Variants in LHFPL2 observed in about 807,000 individuals in gnomAD.
LHFPL2 encodes the protein LHFPL tetraspan subfamily member 2 protein.
Under a neutral mutation model 17.5 loss-of-function variants are expected in LHFPL2, and 7 were observed. The observed-to-expected ratio is 0.40, with a 90% CI of 0.23 to 0.75. The LOEUF is 0.75. LHFPL2 is among the 30% of genes least tolerant of loss of function. LHFPL2 has a pLI of 0.37. For missense variants in LHFPL2, 241 were observed against 294.8 expected (o/e 0.82, Z 1.34); for synonymous variants, 134 against 116.2 (o/e 1.15, Z -0.99).
intron 3 of LHFPL2, among the ~76,000 whole-genome samples, chr5:78,559,369 G>A (rs558382463): frequency 3.9e-5 from 6 of 152,260 alleles, no homozygotes; most frequent in South Asian, 4.1e-4. Flanking sequence ...ACTGGGCATC[G>A]AGGATATACT....
Position 78,521,435 on chromosome 5 carries a change from A to G in LHFPL2, c.-185-11037T>C, listed in dbSNP as rs150402874. ...TTTTAAAATCTAATACTCCAACCCAATAGTCTGGTGATTAAGCTACTGAGA... is the reference window on the plus strand; with the variant it reads ...TTTTAAAATCTAATACTCCAACCCAGTAGTCTGGTGATTAAGCTACTGAGA... On this transcript the variant is annotated intron_variant, in intron 3 of 4. Coordinates refer to ENST00000380345, the MANE Select transcript of LHFPL2 (RefSeq NM_005779.3). 4.4e-3 allele frequency among the ~76,000 whole-genome samples: 677 copies of G among 152,334 alleles called. 5 individuals carry two copies. The highest frequency in any genetic ancestry group is 0.024 in the Middle Eastern group (7 of 294).
intron 2 of LHFPL2, among the ~76,000 whole-genome samples, chr5:78,576,752 C>CTT (rs1335199353): frequency 1.5e-4 from 23 of 151,672 alleles, no homozygotes; most frequent in Admixed American, 1.5e-3. Flanking sequence ...TTCTGACAAT[C>CTT]TTTTTTTGTT....
In LHFPL2 at chr5:78,542,608, C is replaced by A. The variant is rs1310273280; in HGVS notation, c.-186+22205G>T. On this transcript the variant is annotated intron_variant, in intron 3 of 4. Transcript: ENST00000380345. Reference sequence around the variant, plus strand: ...TTCCACCCTCATCTCCACATGCACACCTCTCGCCTGCCCTTCAAGAGACAG... The same window carrying A: ...TTCCACCCTCATCTCCACATGCACAACTCTCGCCTGCCCTTCAAGAGACAG... 2.6e-5 allele frequency among the ~76,000 whole-genome samples: 4 copies of A among 152,212 alleles called. No homozygotes were observed. The East Asian group carries it at 7.7e-4, about 29-fold the overall frequency.
chr5:78,547,438 G>A (rs1027720898), intron 3 of LHFPL2, among the ~76,000 whole-genome samples: 4 of 152,198 alleles, frequency 2.6e-5, no homozygotes, highest in South Asian at 2.1e-4. Flanking sequence ...CACACATGAC[G>A]TCTGATATCA....
At chr5:78,589,173 A>C (rs907455924) in intron 2 of LHFPL2, among the ~76,000 whole-genome samples, 1 of 152,068 alleles carries the variant, frequency 6.6e-6, no homozygotes, top group African/African-American at 2.4e-5. Flanking sequence ...GGCATTTCTA[A>C]AAAAAATTAG....
At chr5:78,570,279 A>C (rs1756962220) in intron 2 of LHFPL2, among the ~76,000 whole-genome samples, 1 of 152,198 alleles carries the variant, frequency 6.6e-6, no homozygotes, top group African/African-American at 2.4e-5. Context: ...AGAAGAAAGA[A>C]ATACTGGGTT....
At chr5:78,512,767 C>CTTTTTT (rs34696428) in intron 3 of LHFPL2, among the ~76,000 whole-genome samples, 1 of 137,838 alleles carries the variant, frequency 7.3e-6, no homozygotes, top group Admixed American at 7.3e-5. Context: ...TTTTTCTTTT[C>CTTTTTT]TTTTTTTTTT....
At chr5:78,568,956 C>T (rs1756927466) in intron 2 of LHFPL2, among the ~76,000 whole-genome samples, 1 of 152,146 alleles carries the variant, frequency 6.6e-6, no homozygotes, top group Admixed American at 6.5e-5. Context: ...AGAATTTGAG[C>T]CACTTAAGCT....
At position 78,609,450 on chromosome 5, in the gene LHFPL2, C is replaced by CAAAAAA. The variant is rs71613975; in HGVS notation, c.-245+22808_-245+22813dup. ...TGGGAAACAGAGCGAGACTCAGTCT[C>CAAAAAA]AAAAAAAAAAAAAAAAAAAAAAAAA... On this transcript the variant is annotated intron_variant, in intron 2 of 4. Transcript: ENST00000380345. 3.7e-4 allele frequency among the ~76,000 whole-genome samples: 15 copies of CAAAAAA among 40,676 alleles called. 1 individual carries two copies. Among genetic ancestry groups the CAAAAAA allele is most frequent in the African/African-American group, 1.0e-3 (12 of 11,682 alleles). 26.7% of individuals were successfully genotyped at this position (40,676 alleles called of 152,430 possible). A position where few individuals can be genotyped will look rare whatever the true frequency, so the allele number is the denominator to read the frequency against.
At chr5:78,561,370 A>G (rs1174925841) in intron 3 of LHFPL2, among the ~76,000 whole-genome samples, 1 of 152,240 alleles carries the variant, frequency 6.6e-6, no homozygotes, top group African/African-American at 2.4e-5. Context: ...AGACTACCGT[A>G]TCGGATGGTG....
intron 3 of LHFPL2, among the ~76,000 whole-genome samples, chr5:78,519,423 G>C (rs1358393381): frequency 6.6e-6 from 1 of 152,104 alleles, no homozygotes; most frequent in African/African-American, 2.4e-5. Flanking sequence ...TCTGCCTCTG[G>C]GGCGGGATCT....
chr5:78,627,695 T>G (rs1333022958), intron 2 of LHFPL2, among the ~76,000 whole-genome samples: 1 of 152,174 alleles, frequency 6.6e-6, no homozygotes, highest in Non-Finnish European at 1.5e-5. Context: ...GCAGGGCATT[T>G]ATGAAGCCCT....
rs1754228642 is a variant in LHFPL2, at chr5:78,486,054, A to T, written c.*2843T>A. ...CATACATACACCTTTGTTATTGCAC[A>T]TCTTTCACACAAACTTGTGTATGTA... On this transcript the variant is annotated 3_prime_UTR_variant, in exon 5 of 5. Transcript: ENST00000380345. 6.6e-6 allele frequency: 1 copy of T among 152,652 alleles called. No individual in the cohort carries two copies. Among genetic ancestry groups the T allele is most frequent in the Non-Finnish European group, 1.5e-5 (1 of 68,034 alleles). 9.5% of individuals were successfully genotyped at this position (152,652 alleles called of 1,614,324 possible).
intron 3 of LHFPL2, among the ~76,000 whole-genome samples, chr5:78,545,887 C>T (rs1756256504): frequency 6.6e-6 from 1 of 152,054 alleles, no homozygotes; most frequent in Admixed American, 6.5e-5. Flanking sequence ...AAGGGCAGAC[C>T]CTCAAAAAGA....
At chr5:78,633,924 GC>G (rs1405698283) in intron 1 of LHFPL2, among the ~76,000 whole-genome samples, 1 of 151,992 alleles carries the variant, frequency 6.6e-6, no homozygotes, top group Non-Finnish European at 1.5e-5. Context: ...CAGTGAGGTC[GC>G]CCTGGAAGGC....
chr5:78,639,937 T>C (rs903167114), intron 1 of LHFPL2, among the ~76,000 whole-genome samples: 4 of 152,232 alleles, frequency 2.6e-5, no homozygotes, highest in Admixed American at 6.5e-5. Flanking sequence ...CTTAAACAAC[T>C]GGCTAAATGC....
At chr5:78,593,881 C>T (rs974698626) in intron 2 of LHFPL2, among the ~76,000 whole-genome samples, 1 of 152,190 alleles carries the variant, frequency 6.6e-6, no homozygotes, top group African/African-American at 2.4e-5. Context: ...ACCCAGGGAA[C>T]CCTGCTTGAT....
intron 2 of LHFPL2, among the ~76,000 whole-genome samples, chr5:78,604,899 A>G (rs1744157895): frequency 6.6e-6 from 1 of 152,222 alleles, no homozygotes; most frequent in Non-Finnish European, 1.5e-5. Flanking sequence ...CCACAGCACT[A>G]AAGCACTAGG....
intron 2 of LHFPL2, among the ~76,000 whole-genome samples, chr5:78,631,935 C>CAAAAAA (rs35424661): frequency 9.6e-6 from 1 of 104,580 alleles, no homozygotes; most frequent in African/African-American, 3.4e-5. Flanking sequence ...GACTCCATCT[C>CAAAAAA]AAAAAAAAAA....
Sources: allele counts gnomAD v4.1 joint callset (sites outside exome capture counted in the v4.1 genomes callset), GRCh38; gene constraint gnomAD v4.1.1; transcripts MANE v1.5; gene names NCBI Gene and HGNC (gene_info 2026-07-23, HGNC 2026-07-21).